The following ANKFN1 variants were observed in gnomAD, a reference collection of about 807,000 sequenced individuals.
The protein encoded by ANKFN1 is ankyrin repeat and fibronectin type III domain containing 1, also known as ankyrin repeat and fibronectin type-III domain-containing protein 1.
Under a neutral mutation model 108.7 loss-of-function variants are expected in ANKFN1, and 74 were observed. The observed-to-expected ratio is 0.68, with a 90% CI of 0.56 to 0.83. ANKFN1 has a LOEUF of 0.83. Ranked by LOEUF, ANKFN1 falls within the 40% of genes least tolerant of loss-of-function variation. ANKFN1 has a pLI of 0.00. For missense variants in ANKFN1, 1,505 were observed against 1,382.3 expected (o/e 1.09, Z -1.41); for synonymous variants, 547 against 516.2 (o/e 1.06, Z -0.81).
chr17:56,058,497 G>A (rs1904917965), intron 4 of ANKFN1, among the ~76,000 whole-genome samples: 1 of 152,100 alleles, frequency 6.6e-6, no homozygotes. Flanking sequence ...CAGGATACAT[G>A]TGCAGAACAT....
chr17:56,368,900 A>G (rs570486324), intron 6 of ANKFN1, among the ~76,000 whole-genome samples: 2 of 152,212 alleles, frequency 1.3e-5, no homozygotes, highest in Admixed American at 1.3e-4. Context: ...AAGTGGCTAA[A>G]GAGCTTTGTG....
intron 4 of ANKFN1, among the ~76,000 whole-genome samples, chr17:56,329,707 T>C (rs932042610): frequency 6.6e-6 from 1 of 152,184 alleles, no homozygotes; most frequent in East Asian, 1.9e-4. Context: ...CGTTGATACA[T>C]GTAAAAACAC....
intron 4 of ANKFN1, among the ~76,000 whole-genome samples, chr17:56,137,029 C>T (rs1255514481): frequency 6.6e-6 from 1 of 152,176 alleles, no homozygotes; most frequent in Admixed American, 6.5e-5. Flanking sequence ...ATTCAAGAAA[C>T]ATCTACTACA....
intron 4 of ANKFN1, among the ~76,000 whole-genome samples, chr17:56,093,646 C>T (rs754309870): frequency 6.6e-6 from 1 of 151,420 alleles, no homozygotes; most frequent in Non-Finnish European, 1.5e-5. Flanking sequence ...TTCAGATGAT[C>T]CCCCTTCTAC....
chr17:56,378,992 T>G (rs568825094), intron 8 of ANKFN1, among the ~76,000 whole-genome samples: 1 of 152,348 alleles, frequency 6.6e-6, no homozygotes, highest in African/African-American at 2.4e-5. Context: ...TTAAAACCTT[T>G]CTCCAATAAT....
chr17:56,077,556 G>T (rs1905195301), intron 4 of ANKFN1, among the ~76,000 whole-genome samples: 1 of 152,062 alleles, frequency 6.6e-6, no homozygotes, highest in Non-Finnish European at 1.5e-5. Context: ...GCACTTTTTG[G>T]ACTGGCCTTC....
chr17:56,263,797 T>C (rs1220842824), intron 3 of ANKFN1, among the ~76,000 whole-genome samples: 3 of 152,230 alleles, frequency 2.0e-5, no homozygotes, highest in Non-Finnish European at 4.4e-5. Flanking sequence ...GAGCAGTCTC[T>C]TTTGATACCA....
At chr17:56,196,786 C>G (rs1913555501) in intron 1 of ANKFN1, among the ~76,000 whole-genome samples, 1 of 152,140 alleles carries the variant, frequency 6.6e-6, no homozygotes, top group Non-Finnish European at 1.5e-5. Context: ...CCCTGATGCT[C>G]TTTTTCATTT....
At chr17:56,178,146 T>G (rs1482794950) in intron 1 of ANKFN1, among the ~76,000 whole-genome samples, 1 of 152,164 alleles carries the variant, frequency 6.6e-6, no homozygotes, top group African/African-American at 2.4e-5. Flanking sequence ...GTTGTAGGAT[T>G]CTTCAGAGGG....
At chr17:56,296,761 C>T (rs914791226) in intron 3 of ANKFN1, among the ~76,000 whole-genome samples, 1 of 151,960 alleles carries the variant, frequency 6.6e-6, no homozygotes, top group East Asian at 1.9e-4. Context: ...GTCAGACAGA[C>T]TTAAGTCCAC....
At chr17:56,232,428 C>G (rs1598279754) in intron 3 of ANKFN1, among the ~76,000 whole-genome samples, 1 of 152,044 alleles carries the variant, frequency 6.6e-6, no homozygotes, top group Non-Finnish European at 1.5e-5. Context: ...ATCTAAAACC[C>G]CTAGATACAA....
At chr17:56,296,916 T>C (rs898618302) in intron 3 of ANKFN1, among the ~76,000 whole-genome samples, 4 of 152,190 alleles carry the variant, frequency 2.6e-5, no homozygotes, top group Non-Finnish European at 5.9e-5. Flanking sequence ...TTGGTAAATA[T>C]CACTGTTCAA....
At chr17:56,253,824 G>T (rs1316024367) in intron 3 of ANKFN1, among the ~76,000 whole-genome samples, 3 of 152,138 alleles carry the variant, frequency 2.0e-5, no homozygotes, top group African/African-American at 7.2e-5. Flanking sequence ...GGCTATCCGG[G>T]ATAACACTTA....
intron 1 of ANKFN1, among the ~76,000 whole-genome samples, chr17:56,186,556 A>G (rs1912231992): frequency 1.3e-5 from 2 of 152,350 alleles, no homozygotes; most frequent in South Asian, 4.1e-4. Context: ...AAAATGTATG[A>G]ATCGTAGCAA....
chr17:56,461,008 T>C (rs2049886391), intron 14 of ANKFN1, among the ~76,000 whole-genome samples: 1 of 152,244 alleles, frequency 6.6e-6, no homozygotes, highest in Non-Finnish European at 1.5e-5. Flanking sequence ...CTGCCAAAGC[T>C]GGAGCTTCAG....
At chr17:56,482,765 A>G (rs2050752738) in intron 18 of ANKFN1, 1 of 379,052 alleles carries the variant, frequency 2.6e-6, no homozygotes, top group Non-Finnish European at 4.6e-6. Context: ...TTCTAAACAG[A>G]AAGTTCAGTT....
intron 3 of ANKFN1, among the ~76,000 whole-genome samples, chr17:56,236,051 TTTTC>T (rs1053549169): frequency 9.2e-5 from 14 of 152,060 alleles, no homozygotes; most frequent in East Asian, 7.7e-4. Flanking sequence ...TTTTCTTTTC[TTTTC>T]TTTCTTTCTT....
intron 4 of ANKFN1, among the ~76,000 whole-genome samples, chr17:56,146,387 G>T (rs59935707): frequency 0.014 from 2,086 of 152,326 alleles, 63 homozygotes; most frequent in African/African-American, 0.048. Context: ...GGGACTGTAT[G>T]TGGGGGCTCC....
At chr17:56,440,531 G>A in intron 9 of ANKFN1, 107 bp downstream of exon 9, 3 of 765,524 alleles carry the variant, frequency 3.9e-6, no homozygotes, top group Non-Finnish European at 6.5e-6. Context: ...CAGTCCTCTG[G>A]CAACAACTGC....
Sources: allele counts gnomAD v4.1 joint callset (sites outside exome capture counted in the v4.1 genomes callset), GRCh38; gene constraint gnomAD v4.1.1; transcripts MANE v1.5; gene names NCBI Gene and HGNC (gene_info 2026-07-23, HGNC 2026-07-21).